Variants in ZNF525 observed in about 807,000 individuals in gnomAD.
The protein encoded by ZNF525 is zinc finger protein 525.
Under a neutral mutation model 37.6 loss-of-function variants are expected in ZNF525, and 33 were observed. The ratio of observed to expected loss-of-function variants is 0.88; its 90% CI spans 0.67 to 1.17. The LOEUF (loss-of-function observed/expected upper bound fraction) is 1.17, where lower values mean the gene tolerates loss of function less well. Ranked by LOEUF, ZNF525 falls within the 50% of genes most tolerant of loss-of-function variation. ZNF525 has a pLI of 0.00. For missense variants in ZNF525, 449 were observed against 543.1 expected (o/e 0.83, Z 1.72); for synonymous variants, 170 against 182.3 (o/e 0.93, Z 0.54).
Position 53,381,439 on chromosome 19 carries a change from C to T in ZNF525, c.860C>T (p.Thr287Ile). The T allele has an allele frequency of 1.3e-6, 2 of 1,516,500 alleles. No homozygotes were observed. The highest frequency in any genetic ancestry group is 1.1e-5 in the South Asian group (1 of 89,038). 93.9% of individuals were successfully genotyped at this position (1,516,500 alleles called of 1,614,324 possible). A position where few individuals can be genotyped will look rare whatever the true frequency, so the allele number is the denominator to read the frequency against. The change falls in exon 4 of 4, where the codon ACA becomes ATA. Residue 287 changes from threonine (T) to isoleucine (I), a missense_variant. By Grantham distance (89) the Thr-to-Ile change is moderately conservative (BLOSUM62 -1). Coordinates refer to ENST00000474037, the MANE Select transcript of ZNF525 (RefSeq NM_001348156.2). ...TCCTTCAGTCAGATGTCATCCCTTA[C>T]ATATCATCATCGACTTCATACTGGA... is the stretch of plus-strand genomic sequence containing the variant. ...GKSFSQMSSL[T>I]YHHRLHTGEK...
chr19:53,367,922 T>C (rs2085459543), intron 1 of ZNF525, among the ~76,000 whole-genome samples: 1 of 152,202 alleles, frequency 6.6e-6, no homozygotes, highest in Non-Finnish European at 1.5e-5. Context: ...CGGGGTGCGA[T>C]ACCTTTATGA....
At chr19:53,379,218 C>T (rs911622778) in intron 3 of ZNF525, among the ~76,000 whole-genome samples, 3 of 152,068 alleles carry the variant, frequency 2.0e-5, no homozygotes, top group African/African-American at 4.8e-5. Context: ...TGGGTTCAAA[C>T]GATTCTCTTG....
At chr19:53,368,918 G>A (rs1464411173) in intron 1 of ZNF525, among the ~76,000 whole-genome samples, 1 of 152,110 alleles carries the variant, frequency 6.6e-6, no homozygotes, top group Non-Finnish European at 1.5e-5. Context: ...GTGTGCTGGG[G>A]TGCCACGATA....
Position 53,383,523 on chromosome 19 carries a change from A to T in ZNF525, c.*1504A>T, listed in dbSNP as rs1223306330. On this transcript the variant is annotated 3_prime_UTR_variant, in exon 4 of 4. Transcript: ENST00000474037. ...GACAAGGCTTTCGGACGTGATTCAC[A>T]CCTGGCACAACATCCCAGAGTTCAC... 4.7e-6 allele frequency: 6 copies of T among 1,267,678 alleles called. No homozygotes were observed. In the Admixed American group the frequency reaches 1.1e-4, roughly 24 times the overall value. The allele number at this position is 1,267,678 out of a possible 1,614,324, so 78.5% of individuals were successfully genotyped here.
chr19:53,376,094 G>A (rs752781372), intron 3 of ZNF525, 198 bp downstream of exon 3: 1 of 1,185,276 alleles, frequency 8.4e-7, no homozygotes, highest in African/African-American at 1.5e-5. Context: ...ACAGGTGCAT[G>A]CCACCATGCC....
At position 53,383,771 on chromosome 19, in the gene ZNF525, TC is replaced by T. The variant is rs2085585459; in HGVS notation, c.*1753del. ...TTGTGGCAAATTTTTCAGACATCGT[TC>T]ATACATTGCCGTTCATTGGCGAACT... is the stretch of plus-strand genomic sequence containing the variant. On this transcript the variant is annotated 3_prime_UTR_variant, in exon 4 of 4. Transcript: ENST00000474037. 1 of 532,398 alleles carries T rather than the reference TC, an allele frequency of 1.9e-6. No individual in the cohort carries two copies. Among genetic ancestry groups the T allele is most frequent in the African/African-American group, 1.9e-5 (1 of 51,978 alleles). The allele number at this position is 532,398 out of a possible 1,614,324, so 33.0% of individuals were successfully genotyped here.
chr19:53,375,691 C>T (rs1475084832), intron 2 of ZNF525, 79 bp from the exon 3 acceptor site: 2 of 1,611,888 alleles, frequency 1.2e-6, no homozygotes, highest in East Asian at 2.2e-5. Context: ...CCATGCTTTC[C>T]CCTCTCTCCT....
At chr19:53,374,931 A>G (rs1386420252) in intron 2 of ZNF525, among the ~76,000 whole-genome samples, 1 of 152,066 alleles carries the variant, frequency 6.6e-6, no homozygotes, top group Admixed American at 6.6e-5. Flanking sequence ...GCTGGAGCAC[A>G]GTGGTGTGAT....
In ZNF525 at chr19:53,383,032, ATGT is replaced by A. The variant is rs1437386534; in HGVS notation, c.*1014_*1016del. 68 of 1,475,508 alleles carry A rather than the reference ATGT, an allele frequency of 4.6e-5. No individual in the cohort carries two copies. The African/African-American group carries it at 7.4e-4, about 16-fold the overall frequency. 91.4% of individuals were successfully genotyped at this position (1,475,508 alleles called of 1,614,324 possible). ...TTTTTAATCGCAAAGCAAAGCTTGC[ATGT>A]CATCATAGACTTCATACTGGAGAGA... On this transcript the variant is annotated 3_prime_UTR_variant, in exon 4 of 4. Coordinates refer to ENST00000474037, the MANE Select transcript of ZNF525 (RefSeq NM_001348156.2).
intron 3 of ZNF525, among the ~76,000 whole-genome samples, chr19:53,379,146 C>T (rs1186137717): frequency 1.3e-5 from 2 of 151,972 alleles, no homozygotes; most frequent in African/African-American, 2.4e-5. Context: ...GACGAAGTCT[C>T]ACCCTGTCAC....
rs2085592472 is a variant in ZNF525, at chr19:53,384,641, T to TA, written c.*2623dup. ...CAACTAATTTTTGGTGCTGATACTG[T>TA]ATTGTGCAAATCCACTGAATATGTT... On this transcript the variant is annotated 3_prime_UTR_variant, in exon 4 of 4. Coordinates refer to ENST00000474037, the MANE Select transcript of ZNF525 (RefSeq NM_001348156.2). 1 of 224,466 alleles carries TA rather than the reference T, an allele frequency of 4.5e-6. No homozygotes were observed. Among genetic ancestry groups the TA allele is most frequent in the Non-Finnish European group, 8.6e-6 (1 of 115,616 alleles). 13.9% of individuals were successfully genotyped at this position (224,466 alleles called of 1,614,324 possible).
chr19:53,386,156 CAA>C lies in ZNF525; in HGVS notation c.*4149_*4150del, dbSNP rs111382307. On this transcript the variant is annotated 3_prime_UTR_variant, in exon 4 of 4. Coordinates refer to ENST00000474037, the MANE Select transcript of ZNF525 (RefSeq NM_001348156.2). ...GAGCAACAAGAGCAAAACTCCATCT[CAA>C]AAAAAAAAAAATTGTCAAGTTCCTT... The C allele has an allele frequency of 5.3e-4, 205 of 386,982 alleles. No individual in the cohort carries two copies. Among genetic ancestry groups the C allele is most frequent in the Middle Eastern group, 7.9e-4 (1 of 1,262 alleles). 24.0% of individuals were successfully genotyped at this position (386,982 alleles called of 1,614,324 possible).
intron 2 of ZNF525, among the ~76,000 whole-genome samples, chr19:53,372,844 A>T (rs2085496819): frequency 6.6e-6 from 1 of 152,222 alleles, no homozygotes; most frequent in Non-Finnish European, 1.5e-5. Flanking sequence ...AAGATGTTTG[A>T]TTCCATCTTT....
chr19:53,381,440 A>G lies in ZNF525; in HGVS notation c.861A>G (p.Thr287=). ...GKSFSQMSSL[T]YHHRLHTGEK... ...CCTTCAGTCAGATGTCATCCCTTAC[A>G]TATCATCATCGACTTCATACTGGAG... Residue 287 remains threonine, a synonymous_variant, in exon 4 of 4, where the codon ACA becomes ACG. Transcript: ENST00000474037. 2.0e-6 allele frequency: 3 copies of G among 1,518,064 alleles called. No individual in the cohort carries two copies. Among genetic ancestry groups the G allele is most frequent in the Non-Finnish European group, 9.2e-7 (1 of 1,092,746 alleles). The allele number at this position is 1,518,064 out of a possible 1,614,324, so 94.0% of individuals were successfully genotyped here. A position where few individuals can be genotyped will look rare whatever the true frequency, so the allele number is the denominator to read the frequency against.
Position 53,382,682 on chromosome 19 carries a change from G to A in ZNF525, c.*663G>A. The A allele has an allele frequency of 2.7e-6, 2 of 737,198 alleles. No homozygotes were observed. The highest frequency in any genetic ancestry group is 5.0e-6 in the Non-Finnish European group (2 of 402,422). The allele number at this position is 737,198 out of a possible 1,614,324, so 45.7% of individuals were successfully genotyped here. ...TGATTGTCACCACGTCTTCAGTAATGCTACAACTATTGCAAATCATTGGAG... is the reference window on the plus strand; with the variant it reads ...TGATTGTCACCACGTCTTCAGTAATACTACAACTATTGCAAATCATTGGAG... On this transcript the variant is annotated 3_prime_UTR_variant, in exon 4 of 4. Transcript: ENST00000474037.
chr19:53,366,521 G>T (rs903697497), intron 1 of ZNF525, among the ~76,000 whole-genome samples: 1 of 142,232 alleles, frequency 7.0e-6, no homozygotes, highest in Non-Finnish European at 1.5e-5. Flanking sequence ...TGAGGGATTT[G>T]CCAAGAGACA....
At chr19:53,372,898 A>G (rs8110329) in intron 2 of ZNF525, among the ~76,000 whole-genome samples, 40,011 of 152,010 alleles carry the variant, frequency 0.26, 5,748 homozygotes, top group East Asian at 0.44. Flanking sequence ...CAGGAGATTC[A>G]TTAATCCATT....
intron 3 of ZNF525, among the ~76,000 whole-genome samples, chr19:53,378,470 C>G (rs930140032): frequency 2.0e-5 from 3 of 152,054 alleles, no homozygotes; most frequent in African/African-American, 7.2e-5. Context: ...GGGAGAATCT[C>G]TTGAGGCAGG....
chr19:53,367,092 C>A (rs905371035), intron 1 of ZNF525, among the ~76,000 whole-genome samples: 2 of 152,018 alleles, frequency 1.3e-5, no homozygotes, highest in Admixed American at 6.5e-5. Flanking sequence ...CTTGTAGCTG[C>A]ATTGAAAGAA....
Sources: gnomAD v4.1 joint callset for allele counts (sites outside exome capture counted in the v4.1 genomes callset) on GRCh38, gnomAD v4.1.1 for gene constraint, MANE v1.5 for transcripts, NCBI Gene and HGNC (gene_info 2026-07-23, HGNC 2026-07-21) for gene names.